THRB: variants seen among roughly 807,000 people sequenced by gnomAD.
The protein encoded by THRB is thyroid hormone receptor beta, also known as nuclear receptor subfamily 1 group A member 2.
THRB carries 12 observed loss-of-function variants against 47.8 expected under a neutral mutation model. The observed-to-expected ratio is 0.25, with a 90% confidence interval of 0.16 to 0.41. THRB has a LOEUF of 0.41. Ranked by LOEUF, THRB falls within the 10% of genes least tolerant of loss-of-function variation. The probability of loss-of-function intolerance (pLI) is 1.00; values close to 1 mark genes in which losing one functional copy is unlikely to be tolerated. For synonymous variants in THRB, 218 were observed against 212.2 expected (o/e 1.03, Z -0.24); for missense variants, 348 against 589.2 (o/e 0.59, Z 4.24).
At chr3:24,215,148 A>G (rs1001582056) in intron 4 of THRB, among the ~76,000 whole-genome samples, 9 of 152,218 alleles carry the variant, frequency 5.9e-5, no homozygotes, top group African/African-American at 1.7e-4. Context: ...TCTCATGACA[A>G]TAACTGTATA....
intron 5 of THRB, among the ~76,000 whole-genome samples, chr3:24,157,045 G>C (rs2037968362): frequency 6.6e-6 from 1 of 152,144 alleles, no homozygotes; most frequent in African/African-American, 2.4e-5. Flanking sequence ...TTATTTAACA[G>C]CATGTATGGG....
In THRB at chr3:24,264,396, T is replaced by C. The variant is rs1456129604; in HGVS notation, c.-43+32830A>G. 2.0e-5 allele frequency among the ~76,000 whole-genome samples: 3 copies of C among 152,198 alleles called. No homozygotes were observed. The East Asian group carries it at 5.8e-4, about 29-fold the overall frequency. On this transcript the variant is annotated intron_variant, in intron 3 of 10. Coordinates refer to ENST00000646209, the MANE Select transcript of THRB (RefSeq NM_001354712.2). Reference sequence around the variant, plus strand: ...TTATTGTACCTCTTAAATTTTTTGTTTGTTTGTTTGTTTTTCCTGAAAAGT... The same window carrying C: ...TTATTGTACCTCTTAAATTTTTTGTCTGTTTGTTTGTTTTTCCTGAAAAGT...
chr3:24,148,013 C>A (rs183777763), intron 6 of THRB, among the ~76,000 whole-genome samples: 80 of 152,266 alleles, frequency 5.3e-4, no homozygotes, highest in African/African-American at 1.9e-3. Context: ...TACTGTATTA[C>A]TTGAATGTTT....
intron 1 of THRB, among the ~76,000 whole-genome samples, chr3:24,409,420 A>T (rs1296375430): frequency 6.6e-6 from 1 of 151,898 alleles, no homozygotes; most frequent in Non-Finnish European, 1.5e-5. Flanking sequence ...GAGGCAATAT[A>T]GCATAGCAGT....
chr3:24,140,346 T>G lies in THRB; in HGVS notation c.738+3155A>C, dbSNP rs116617196. Among the ~76,000 whole-genome samples the G allele has an allele frequency of 7.4e-3, 1,127 of 152,246 alleles. 16 individuals carry two copies. The highest frequency in any genetic ancestry group is 0.026 in the African/African-American group (1,075 of 41,534). ...GTGGTTTAAAACAACAATTTTTAAT[T>G]TTCTTTCTGAGTTCTGGGGATTGAT... On this transcript the variant is annotated intron_variant, in intron 8 of 10. Coordinates refer to ENST00000646209, the MANE Select transcript of THRB (RefSeq NM_001354712.2).
At chr3:24,179,852 C>A (rs2041666560) in intron 5 of THRB, among the ~76,000 whole-genome samples, 1 of 152,018 alleles carries the variant, frequency 6.6e-6, no homozygotes, top group Non-Finnish European at 1.5e-5. Flanking sequence ...ATAGAACGGG[C>A]ATTCATTTCT....
intron 3 of THRB, among the ~76,000 whole-genome samples, chr3:24,230,222 T>C (rs1043287343): frequency 6.6e-6 from 1 of 152,238 alleles, no homozygotes; most frequent in African/African-American, 2.4e-5. Context: ...ACCTTGATCA[T>C]ACTTCTTGTC....
In THRB at chr3:24,237,729, G is replaced by A. The variant is rs149002189; in HGVS notation, c.-42-8728C>T. 3.1e-3 allele frequency among the ~76,000 whole-genome samples: 471 copies of A among 152,248 alleles called. 2 individuals carry two copies. Among genetic ancestry groups the A allele is most frequent in the Non-Finnish European group, 5.0e-3 (343 of 68,014 alleles). On this transcript the variant is annotated intron_variant, in intron 3 of 10. Transcript: ENST00000646209. Reference sequence around the variant, plus strand: ...GTGGGACGTGCACACTTAATCCATGGTAGTATTCTATACCCTTCAATGCTG... The same window carrying A: ...GTGGGACGTGCACACTTAATCCATGATAGTATTCTATACCCTTCAATGCTG...
chr3:24,432,435 C>A (rs1224927189), intron 1 of THRB, among the ~76,000 whole-genome samples: 1 of 152,114 alleles, frequency 6.6e-6, no homozygotes, highest in African/African-American at 2.4e-5. Flanking sequence ...TACAGAGGTA[C>A]ATACACCTTC....
chr3:24,304,706 A>C (rs1334889733), intron 2 of THRB, among the ~76,000 whole-genome samples: 2 of 152,170 alleles, frequency 1.3e-5, no homozygotes, highest in South Asian at 2.1e-4. Flanking sequence ...GGAAAACAAA[A>C]ATAGTAGAAA....
At chr3:24,400,618 G>A (rs1404907464) in intron 1 of THRB, among the ~76,000 whole-genome samples, 2 of 151,980 alleles carry the variant, frequency 1.3e-5, no homozygotes, top group African/African-American at 2.4e-5. Flanking sequence ...TCCTTCAAAC[G>A]AGGCACAGTG....
At chr3:24,239,629 A>C (rs2049271728) in intron 3 of THRB, among the ~76,000 whole-genome samples, 1 of 152,118 alleles carries the variant, frequency 6.6e-6, no homozygotes, top group Non-Finnish European at 1.5e-5. Context: ...GGGTTGTCTC[A>C]GGGAGCTAGG....
In THRB at chr3:24,470,828, G is replaced by A. The variant is rs372232193; in HGVS notation, c.-261+23824C>T. ...GAGGGGGTTTCACCATGTTGGCCAG[G>A]CTGGTCTCGAACTCCTGACCTCAAG... On this transcript the variant is annotated intron_variant, in intron 1 of 10. Coordinates refer to ENST00000646209, the MANE Select transcript of THRB (RefSeq NM_001354712.2). Among the ~76,000 whole-genome samples the A allele has an allele frequency of 1.9e-3, 294 of 152,226 alleles. 4 individuals are homozygous for A. The South Asian group carries it at 0.031, about 16-fold the overall frequency.
At chr3:24,263,381 G>C (rs986616634) in intron 3 of THRB, among the ~76,000 whole-genome samples, 1 of 152,154 alleles carries the variant, frequency 6.6e-6, no homozygotes, top group African/African-American at 2.4e-5. Context: ...GAGAGGTAAA[G>C]TGGCTTGCTC....
At chr3:24,493,716 T>C (rs1367257158) in intron 1 of THRB, among the ~76,000 whole-genome samples, 2 of 152,262 alleles carry the variant, frequency 1.3e-5, no homozygotes, top group African/African-American at 2.4e-5. Flanking sequence ...TAGATCCTTC[T>C]TTTAAAATTT....
At chr3:24,152,027 G>A (rs2037033518) in intron 6 of THRB, among the ~76,000 whole-genome samples, 1 of 152,172 alleles carries the variant, frequency 6.6e-6, no homozygotes, top group African/African-American at 2.4e-5. Context: ...GATAAAACAA[G>A]AAGAGAAACA....
intron 5 of THRB, among the ~76,000 whole-genome samples, chr3:24,174,960 T>C (rs1045948555): frequency 6.6e-6 from 1 of 152,236 alleles, no homozygotes; most frequent in East Asian, 1.9e-4. Flanking sequence ...GCTGCCCTTA[T>C]GCCATTTAGC....
At chr3:24,372,884 G>A (rs182882941) in intron 1 of THRB, among the ~76,000 whole-genome samples, 68 of 152,184 alleles carry the variant, frequency 4.5e-4, no homozygotes, top group African/African-American at 1.3e-3. Context: ...GAACACCTAT[G>A]AGAAGCAATA....
At chr3:24,320,183 CTT>C (rs886856989) in intron 2 of THRB, among the ~76,000 whole-genome samples, 29 of 152,128 alleles carry the variant, frequency 1.9e-4, no homozygotes, top group African/African-American at 5.3e-4. Context: ...TAAAGAAAAA[CTT>C]TGCAGAAATG....
Sources: allele counts gnomAD v4.1 joint callset (sites outside exome capture counted in the v4.1 genomes callset), GRCh38; gene constraint gnomAD v4.1.1; transcripts MANE v1.5; gene names NCBI Gene and HGNC (gene_info 2026-07-23, HGNC 2026-07-21).